Variants in AGPS observed in about 807,000 individuals in gnomAD.
AGPS encodes the protein alkyldihydroxyacetonephosphate synthase, peroxisomal.
Under a neutral mutation model 90.7 loss-of-function variants are expected in AGPS, and 26 were observed. That is an observed-to-expected ratio of 0.29 (90% CI 0.21 to 0.40). AGPS has a LOEUF of 0.40. Among genes scored for constraint, AGPS ranks in the 10% least tolerant of loss-of-function variants. AGPS has a pLI of 1.00. For synonymous variants in AGPS, 294 were observed against 285.3 expected, an observed-to-expected ratio of 1.03 and a Z score of -0.31; for missense variants, 540 against 816.1, an observed-to-expected ratio of 0.66 and a Z score of 4.12.
intron 18 of AGPS, 95 bp downstream of exon 18, chr2:177,521,463 A>G: frequency 9.6e-7 from 1 of 1,041,858 alleles, no homozygotes; most frequent in South Asian, 1.3e-5. Flanking sequence ...AGTCTCTTTA[A>G]TCACACATGG....
chr2:177,431,681 C>T (rs529268780), intron 2 of AGPS, among the ~76,000 whole-genome samples: 1 of 152,262 alleles, frequency 6.6e-6, no homozygotes, highest in South Asian at 2.1e-4. Context: ...GCTTTCACGT[C>T]CTTTTATAGG....
chr2:177,412,199 T>C (rs1446328951), intron 1 of AGPS, among the ~76,000 whole-genome samples: 1 of 152,034 alleles, frequency 6.6e-6, no homozygotes, highest in Non-Finnish European at 1.5e-5. Flanking sequence ...AGGAAGTAGA[T>C]TCAGAGGTAA....
At chr2:177,422,519 A>C (rs539356407) in intron 2 of AGPS, among the ~76,000 whole-genome samples, 1 of 152,306 alleles carries the variant, frequency 6.6e-6, no homozygotes, top group Non-Finnish European at 1.5e-5. Flanking sequence ...ATAAGGGTTC[A>C]TCTGACTGGA....
chr2:177,441,084 A>G (rs768558588), intron 6 of AGPS, 48 bp downstream of exon 6: 102 of 1,412,416 alleles, frequency 7.2e-5, no homozygotes, highest in Non-Finnish European at 9.3e-5. Context: ...TGTTCTATTT[A>G]AAATATTTGT....
intron 19 of AGPS, among the ~76,000 whole-genome samples, chr2:177,526,049 C>CCAG (rs2079083773): frequency 6.6e-6 from 1 of 152,056 alleles, no homozygotes; most frequent in Non-Finnish European, 1.5e-5. Flanking sequence ...TTAACCAACT[C>CCAG]TAGTGCAAAT....
chr2:177,503,605 A>C (rs1688624146), intron 14 of AGPS, among the ~76,000 whole-genome samples: 1 of 152,218 alleles, frequency 6.6e-6, no homozygotes, highest in South Asian at 2.1e-4. Flanking sequence ...ATCTACATGC[A>C]GTCATTTTGG....
intron 19 of AGPS, among the ~76,000 whole-genome samples, chr2:177,534,106 A>G (rs1245360330): frequency 1.3e-5 from 2 of 152,238 alleles, no homozygotes; most frequent in African/African-American, 4.8e-5. Context: ...TGTGACCAGC[A>G]GACGCTGGAT....
At chr2:177,431,435 G>A (rs1003566193) in intron 2 of AGPS, among the ~76,000 whole-genome samples, 2 of 152,100 alleles carry the variant, frequency 1.3e-5, no homozygotes, top group African/African-American at 4.8e-5. Context: ...AACAGGGTTC[G>A]AGAGCAGAGA....
At chr2:177,403,060 A>T (rs1436499964) in intron 1 of AGPS, among the ~76,000 whole-genome samples, 2 of 152,154 alleles carry the variant, frequency 1.3e-5, no homozygotes, top group Non-Finnish European at 2.9e-5. Context: ...CTGTCTCAAA[A>T]AAGGAGAAAA....
At chr2:177,485,036 G>A (rs1250698103) in intron 11 of AGPS, among the ~76,000 whole-genome samples, 1 of 152,176 alleles carries the variant, frequency 6.6e-6, no homozygotes, top group Non-Finnish European at 1.5e-5. Context: ...CCAAAGTGTA[G>A]AGATTGCTGG....
intron 3 of AGPS, among the ~76,000 whole-genome samples, chr2:177,436,186 A>AGCTCTGTC (rs2105629558): frequency 9.0e-6 from 1 of 110,690 alleles, no homozygotes; most frequent in Non-Finnish European, 1.7e-5. Context: ...TGTCTCCCAG[A>AGCTCTGTC]GCTCTGTCGC....
chr2:177,466,388 A>G (rs1310125564), intron 9 of AGPS, among the ~76,000 whole-genome samples: 1 of 152,228 alleles, frequency 6.6e-6, no homozygotes, highest in Non-Finnish European at 1.5e-5. Context: ...AAAAAGCATC[A>G]TAAGTTCCCA....
intron 19 of AGPS, among the ~76,000 whole-genome samples, chr2:177,524,922 T>C (rs1454501745): frequency 6.6e-6 from 1 of 152,202 alleles, no homozygotes; most frequent in African/African-American, 2.4e-5. Context: ...AGATTGCTAA[T>C]GTTGATGAAT....
In AGPS at chr2:177,442,395, C is replaced by G; in HGVS notation, c.710-12C>G. ...ATTTAAACATAAAAGTTGTTGTTTC[C>G]TATTTTGGCAGGAGGAACAAGTGTT... On this transcript the variant is annotated splice_polypyrimidine_tract_variant and intron_variant, in intron 6 of 19. Transcript: ENST00000264167. The G allele has an allele frequency of 6.2e-7, 1 of 1,605,474 alleles. No individual in the cohort carries two copies. Among genetic ancestry groups the G allele is most frequent in the Non-Finnish European group, 8.5e-7 (1 of 1,172,174 alleles).
intron 14 of AGPS, among the ~76,000 whole-genome samples, chr2:177,504,321 G>C (rs63049061): frequency 6.6e-6 from 1 of 151,682 alleles, no homozygotes; most frequent in African/African-American, 2.4e-5. Flanking sequence ...TTGAAACTTG[G>C]AGGCTTTCTA....
At chr2:177,397,822 A>C (rs1437366691) in intron 1 of AGPS, among the ~76,000 whole-genome samples, 1 of 152,220 alleles carries the variant, frequency 6.6e-6, no homozygotes, top group African/African-American at 2.4e-5. Context: ...TGAGCCCAGG[A>C]ATTCAAGACC....
intron 11 of AGPS, among the ~76,000 whole-genome samples, chr2:177,491,850 A>G (rs1338880297): frequency 1.4e-5 from 2 of 139,402 alleles, no homozygotes; most frequent in Non-Finnish European, 3.0e-5. Flanking sequence ...CAGTGGCACA[A>G]TCTTCGCTCA....
intron 1 of AGPS, among the ~76,000 whole-genome samples, chr2:177,399,283 G>A (rs577033688): frequency 8.5e-5 from 13 of 152,256 alleles, no homozygotes; most frequent in South Asian, 2.1e-4. Flanking sequence ...CTGTTATTCC[G>A]ATTAGTATGT....
At chr2:177,534,224 G>A (rs192845897) in intron 19 of AGPS, among the ~76,000 whole-genome samples, 19 of 152,302 alleles carry the variant, frequency 1.2e-4, no homozygotes, top group Admixed American at 1.2e-3. Context: ...TGGCCTCCAT[G>A]TCCACATTTT....
Sources: allele counts gnomAD v4.1 joint callset (sites outside exome capture counted in the v4.1 genomes callset), GRCh38; gene constraint gnomAD v4.1.1; transcripts MANE v1.5; gene names NCBI Gene and HGNC (gene_info 2026-07-23, HGNC 2026-07-21).